CEACAM4: variants seen among roughly 807,000 people sequenced by gnomAD.
CEACAM4 encodes CEA cell adhesion molecule 4, also known as cell adhesion molecule CEACAM4.
A neutral mutation model predicts 28.7 loss-of-function variants in CEACAM4; 30 were observed. The observed-to-expected ratio is 1.05, with a 90% CI of 0.78 to 1.42. The LOEUF is 1.42. CEACAM4 is among the 40% of genes most tolerant of loss of function. CEACAM4 has a pLI of 0.00. For missense variants in CEACAM4, 330 were observed against 308.2 expected (o/e 1.07, Z -0.53); for synonymous variants, 143 against 126.5 (o/e 1.13, Z -0.87).
At chr19:41,626,842 A>G in intron 1 of CEACAM4, 58 bp downstream of exon 1, 1 of 1,501,940 alleles carries the variant, frequency 6.7e-7, no homozygotes, top group Non-Finnish European at 9.2e-7. Flanking sequence ...TACCCAAGAG[A>G]CCCCAGTCAG....
chr19:41,618,412 T>C (rs782796021), downstream of CEACAM4, among the ~76,000 whole-genome samples: 29 of 152,160 alleles, frequency 1.9e-4, no homozygotes, highest in Non-Finnish European at 3.2e-4. Context: ...TGTATTAATC[T>C]TGGTTGCTCT....
intron 5 of CEACAM4, 137 bp downstream of exon 5, chr19:41,620,074 C>A (rs975139251): frequency 1.3e-6 from 1 of 796,230 alleles, no homozygotes; most frequent in Non-Finnish European, 1.9e-6. Flanking sequence ...CGGATCCTGG[C>A]CGGAGGCACT....
At chr19:41,613,582 C>T in the CEACAM4 span, among the ~76,000 whole-genome samples, 2 of 151,988 alleles carry the variant, frequency 1.3e-5, no homozygotes, top group South Asian at 2.1e-4. Context: ...AGAGGGGGAA[C>T]CCATGGGTCA....
At chr19:41,623,584 C>T (rs543376532) in intron 2 of CEACAM4, among the ~76,000 whole-genome samples, 17 of 151,556 alleles carry the variant, frequency 1.1e-4, no homozygotes, top group Non-Finnish European at 2.5e-4. Context: ...GAGTCTGTGC[C>T]CTGGGCTGTG....
downstream of CEACAM4, among the ~76,000 whole-genome samples, chr19:41,618,181 C>T (rs746676773): frequency 2.6e-5 from 4 of 152,102 alleles, no homozygotes; most frequent in African/African-American, 7.2e-5. Context: ...GAGCTGCAGG[C>T]GAGATAGGGC....
At chr19:41,620,394 C>T (rs2071199432) in intron 4 of CEACAM4, 152 bp from the exon 5 acceptor site, 1 of 883,150 alleles carries the variant, frequency 1.1e-6, no homozygotes, top group African/African-American at 1.7e-5. Flanking sequence ...GGAGGTGACC[C>T]ACGACCCAGA....
chr19:41,618,363 C>A (rs959904650), downstream of CEACAM4, among the ~76,000 whole-genome samples: 7 of 152,068 alleles, frequency 4.6e-5, no homozygotes, highest in African/African-American at 1.4e-4. Context: ...AATGAGGGGC[C>A]AGAGTCCTGG....
rs1274872984 is a variant in CEACAM4, at chr19:41,625,956, T to G, written c.69A>C (p.Ser23=). ...TGGGCGGGTGCCAGAAGGTTAAAAG[T>G]GAGGCTAGGAGGTGAAGACAGCATC... is the stretch of plus-strand genomic sequence containing the variant. ...RPWQGLLITA[S]LLTFWHPPTT... is the part of the protein sequence containing the mutation. The change falls in exon 2 of 7, where the codon TCA becomes TCC. Residue 23 remains serine, a synonymous_variant. Coordinates refer to ENST00000221954, the MANE Select transcript of CEACAM4 (RefSeq NM_001817.4). The G allele has an allele frequency of 1.2e-6, 2 of 1,607,578 alleles. No homozygotes were observed. Among genetic ancestry groups the G allele is most frequent in the Admixed American group, 1.7e-5 (1 of 59,616 alleles).
chr19:41,620,052 T>G (rs543178711), intron 5 of CEACAM4, among the ~76,000 whole-genome samples, 159 bp downstream of exon 5: 2 of 152,172 alleles, frequency 1.3e-5, no homozygotes, highest in African/African-American at 4.8e-5. Flanking sequence ...GTCCTGGCCC[T>G]GTAGAGAGGC....
chr19:41,616,477 T>C (rs1257502378), downstream of CEACAM4, among the ~76,000 whole-genome samples: 1 of 149,272 alleles, frequency 6.7e-6, no homozygotes, highest in East Asian at 2.0e-4. Context: ...TATACATACA[T>C]ATAGATAGAT....
At chr19:41,614,272 A>C (rs1360425911), downstream of CEACAM4, among the ~76,000 whole-genome samples, 1 of 152,194 alleles carries the variant, frequency 6.6e-6, no homozygotes. Context: ...TTCCTTCAAC[A>C]TGTATTTATG....
downstream of CEACAM4, among the ~76,000 whole-genome samples, chr19:41,618,349 G>A (rs1267942065): frequency 6.6e-6 from 1 of 152,182 alleles, no homozygotes; most frequent in Non-Finnish European, 1.5e-5. Flanking sequence ...GGGAACTGAT[G>A]AGCAATGAGG....
intron 6 of CEACAM4, 119 bp from the exon 7 acceptor site, chr19:41,619,514 G>T: frequency 1.3e-6 from 2 of 1,560,202 alleles, no homozygotes; most frequent in Middle Eastern, 1.7e-4. Context: ...GTGCTCAGGG[G>T]GTCCCTGTTC....
In CEACAM4 at chr19:41,621,733, C is replaced by T. The variant is rs201492288; in HGVS notation, c.460G>A (p.Ala154Thr). The T allele has an allele frequency of 8.7e-6, 14 of 1,612,394 alleles. No homozygotes were observed. The highest frequency in any genetic ancestry group is 6.7e-5 in the East Asian group (3 of 44,870). ...NVPGLPVGAV[A>T]GIVTGVLVGV... ...ACCAGGACCCCAGTCACGATGCCAG[C>T]GACGGCCCCCACAGGAAGGCCTGGG... Residue 154 changes from alanine (A) to threonine (T), a missense_variant, in exon 3 of 7, where the codon GCT becomes ACT. Ala to Thr is a moderately conservative substitution (Grantham distance 58, BLOSUM62 0). Transcript: ENST00000221954.
rs3745932 is a variant in CEACAM4, at chr19:41,619,716, G to A, written c.628-5C>T. On this transcript the variant is annotated splice_region_variant and splice_polypyrimidine_tract_variant and intron_variant, in intron 5 of 6. Coordinates refer to ENST00000221954, the MANE Select transcript of CEACAM4 (RefSeq NM_001817.4). ...TCTGGGGCTGGGTAGAGGGGCCTGG[G>A]CAGGGGAGAGAGGAGATGTCAGGGG... 171,267 of 1,571,420 alleles carry A rather than the reference G, an allele frequency of 0.11. 15,406 individuals carry two copies. The highest frequency in any genetic ancestry group is 0.39 in the East Asian group (16,824 of 43,592).
At chr19:41,625,486 T>C (rs1422711787) in intron 2 of CEACAM4, 115 bp downstream of exon 2, 2 of 1,308,564 alleles carry the variant, frequency 1.5e-6, no homozygotes, top group East Asian at 4.6e-5. Context: ...AATGCCCAAA[T>C]CTCAACACGG....
At chr19:41,620,442 C>G (rs1285629853) in intron 4 of CEACAM4, 133 bp downstream of exon 4, 11 of 900,096 alleles carry the variant, frequency 1.2e-5, no homozygotes, top group Non-Finnish European at 1.3e-5. Context: ...TCGGGGTCCC[C>G]TGTGTCATGT....
intron 1 of CEACAM4, 121 bp from the exon 2 acceptor site, chr19:41,626,081 T>C: frequency 3.7e-6 from 1 of 271,016 alleles, no homozygotes. Flanking sequence ...TGTGTGTGTG[T>C]GTGTGTGTGT....
In CEACAM4 at chr19:41,626,988, T is replaced by C. The variant is rs1555804601; in HGVS notation, c.-25A>G. ...TGGTCTCTGCTGCCTGCTTGTCCTC[T>C]GTGGAGAGGAGCTGGGCTCCAGGAA... On this transcript the variant is annotated 5_prime_UTR_variant, in exon 1 of 7. Transcript: ENST00000221954. 1 of 1,586,208 alleles carries C rather than the reference T, an allele frequency of 6.3e-7. No individual in the cohort carries two copies. The highest frequency in any genetic ancestry group is 8.6e-7 in the Non-Finnish European group (1 of 1,166,962).
Sources: gnomAD v4.1 joint callset for allele counts (sites outside exome capture counted in the v4.1 genomes callset) on GRCh38, gnomAD v4.1.1 for gene constraint, MANE v1.5 for transcripts, NCBI Gene and HGNC (gene_info 2026-07-23, HGNC 2026-07-21) for gene names.